MALRD1: variants seen among roughly 807,000 people sequenced by gnomAD.
MALRD1 encodes MAM and LDL receptor class A domain containing 1.
Under a neutral mutation model 242.1 loss-of-function variants are expected in MALRD1, and 247 were observed. That is an observed-to-expected ratio of 1.02 (90% CI 0.92 to 1.13). MALRD1 has a LOEUF of 1.13. MALRD1 is among the 50% of genes most tolerant of loss of function. The pLI is 0.00. For synonymous variants in MALRD1, 995 were observed against 866.6 expected, an observed-to-expected ratio of 1.15 and a Z score of -2.60; for missense variants, 2,989 against 2,533.1, an observed-to-expected ratio of 1.18 and a Z score of -3.86.
In MALRD1 at chr10:19,423,087, C is replaced by G. The variant is rs553796750; in HGVS notation, c.4846-27220C>G. Among the ~76,000 whole-genome samples, 6 of 152,168 alleles carry G rather than the reference C, an allele frequency of 3.9e-5. No individual in the cohort carries two copies. The East Asian group carries it at 1.2e-3, about 29-fold the overall frequency. ...TTAGAATTGAAAGTCTGATATTAAC[C>G]AAAAAATGTGCTAATTCCAATTTAG... On this transcript the variant is annotated intron_variant, in intron 28 of 39. Transcript: ENST00000454679.
chr10:19,480,968 A>G (rs1053739286), intron 29 of MALRD1, among the ~76,000 whole-genome samples: 1 of 152,186 alleles, frequency 6.6e-6, no homozygotes, highest in Non-Finnish European at 1.5e-5. Context: ...TTTAAAATAT[A>G]TCCATGCACA....
intron 21 of MALRD1, among the ~76,000 whole-genome samples, chr10:19,296,281 A>T (rs1233489413): frequency 6.6e-6 from 1 of 152,064 alleles, no homozygotes; most frequent in Non-Finnish European, 1.5e-5. Flanking sequence ...CTCAAATGTA[A>T]TTATTTCCTC....
intron 36 of MALRD1, among the ~76,000 whole-genome samples, chr10:19,662,825 C>T (rs1250237394): frequency 1.3e-5 from 2 of 151,966 alleles, no homozygotes; most frequent in Non-Finnish European, 2.9e-5. Context: ...TCTGAAAACT[C>T]AGAGATCACC....
At chr10:19,490,826 T>C (rs111404038) in intron 29 of MALRD1, among the ~76,000 whole-genome samples, 14 of 152,320 alleles carry the variant, frequency 9.2e-5, no homozygotes, top group African/African-American at 3.4e-4. Flanking sequence ...TATTAAACAC[T>C]GTCCATACTT....
intron 28 of MALRD1, among the ~76,000 whole-genome samples, chr10:19,397,557 G>C (rs1056668740): frequency 2.0e-5 from 3 of 152,060 alleles, no homozygotes; most frequent in African/African-American, 7.2e-5. Context: ...TGAGAGGACA[G>C]ATATCTCAAC....
At chr10:19,405,217 G>A (rs2036627239) in intron 28 of MALRD1, among the ~76,000 whole-genome samples, 1 of 152,080 alleles carries the variant, frequency 6.6e-6, no homozygotes, top group South Asian at 2.1e-4. Context: ...TAGAACTACT[G>A]GTAGAATGTA....
At chr10:19,637,824 G>T (rs546443022) in intron 36 of MALRD1, among the ~76,000 whole-genome samples, 4 of 152,092 alleles carry the variant, frequency 2.6e-5, no homozygotes, top group Non-Finnish European at 2.9e-5. Context: ...CGGTAAGCCA[G>T]ATACGGTGGT....
intron 28 of MALRD1, 84 bp downstream of exon 28, chr10:19,389,693 G>GA: frequency 7.3e-7 from 1 of 1,378,920 alleles, no homozygotes; most frequent in Non-Finnish European, 9.7e-7. Context: ...AGGCTGCAGT[G>GA]CAGTGGTGCA....
intron 33 of MALRD1, among the ~76,000 whole-genome samples, chr10:19,580,594 C>G (rs1052604467): frequency 8.5e-5 from 13 of 152,176 alleles, no homozygotes; most frequent in Non-Finnish European, 1.8e-4. Context: ...CATATTTATA[C>G]AAATCACGTA....
At chr10:19,366,484 A>G (rs953797334) in intron 26 of MALRD1, among the ~76,000 whole-genome samples, 3 of 152,132 alleles carry the variant, frequency 2.0e-5, no homozygotes, top group African/African-American at 4.8e-5. Context: ...AGTTCCTAAC[A>G]GGCTATGGAC....
intron 32 of MALRD1, among the ~76,000 whole-genome samples, chr10:19,541,699 C>T (rs1349261335): frequency 1.3e-5 from 2 of 152,136 alleles, no homozygotes; most frequent in Admixed American, 1.3e-4. Flanking sequence ...ACAAGGTACA[C>T]TTAGGAGTGT....
At chr10:19,401,098 C>T (rs1362345927) in intron 28 of MALRD1, among the ~76,000 whole-genome samples, 1 of 151,790 alleles carries the variant, frequency 6.6e-6, no homozygotes, top group Non-Finnish European at 1.5e-5. Context: ...GGAAGAGAAG[C>T]CTGGGATGTA....
At chr10:19,584,743 A>G (rs140999496) in intron 33 of MALRD1, among the ~76,000 whole-genome samples, 49,853 of 150,388 alleles carry the variant, frequency 0.33, 8,986 homozygotes, top group Non-Finnish European at 0.42. Flanking sequence ...TATTAGGTCC[A>G]CTTGGTGCAG....
At chr10:19,245,389 A>C (rs1025354506) in intron 18 of MALRD1, among the ~76,000 whole-genome samples, 15 of 152,178 alleles carry the variant, frequency 9.9e-5, no homozygotes, top group African/African-American at 2.9e-4. Flanking sequence ...TAGGGAAAAC[A>C]TAGCAAAAAT....
At chr10:19,608,355 T>A (rs564815134) in intron 35 of MALRD1, among the ~76,000 whole-genome samples, 1 of 152,114 alleles carries the variant, frequency 6.6e-6, no homozygotes, top group African/African-American at 2.4e-5. Flanking sequence ...AAACCTTAGC[T>A]TGACTTCTAA....
At chr10:19,600,046 A>G (rs982122709) in intron 34 of MALRD1, among the ~76,000 whole-genome samples, 3 of 152,144 alleles carry the variant, frequency 2.0e-5, no homozygotes, top group African/African-American at 7.2e-5. Context: ...GTGAAAAACA[A>G]TGGGAAGAAG....
At chr10:19,517,271 G>A (rs553929533) in intron 31 of MALRD1, among the ~76,000 whole-genome samples, 75 of 152,306 alleles carry the variant, frequency 4.9e-4, no homozygotes, top group African/African-American at 1.7e-3. Context: ...TTCTCCAGTA[G>A]GGAAACATTC....
At chr10:19,689,413 A>G (rs981319123) in intron 36 of MALRD1, among the ~76,000 whole-genome samples, 1 of 152,184 alleles carries the variant, frequency 6.6e-6, no homozygotes, top group South Asian at 2.1e-4. Flanking sequence ...TTATTAATGT[A>G]ATAAACATCA....
intron 18 of MALRD1, among the ~76,000 whole-genome samples, chr10:19,247,700 A>C (rs1486414609): frequency 6.6e-6 from 1 of 152,108 alleles, no homozygotes; most frequent in African/African-American, 2.4e-5. Context: ...ATTTTCAAGG[A>C]AGTCAAATTT....
Sources: gnomAD v4.1 joint callset for allele counts (sites outside exome capture counted in the v4.1 genomes callset) on GRCh38, gnomAD v4.1.1 for gene constraint, MANE v1.5 for transcripts, NCBI Gene and HGNC (gene_info 2026-07-23, HGNC 2026-07-21) for gene names.